Variants in CCDC170 observed in about 807,000 individuals in gnomAD.
CCDC170 encodes the protein coiled-coil domain containing 170.
Under a neutral mutation model 72.6 loss-of-function variants are expected in CCDC170, and 69 were observed. The observed-to-expected ratio is 0.95, with a 90% CI of 0.78 to 1.16. The LOEUF (loss-of-function observed/expected upper bound fraction) is 1.16, where lower values mean the gene tolerates loss of function less well. CCDC170 is among the 50% of genes most tolerant of loss of function. The pLI, the probability that CCDC170 is intolerant of heterozygous loss-of-function variation, is 0.00. For synonymous variants in CCDC170, 300 were observed against 303.9 expected (o/e 0.99, Z 0.13); for missense variants, 852 against 832.5 (o/e 1.02, Z -0.29).
chr6:151,596,622 G>C, intron 9 of CCDC170, 45 bp downstream of exon 9: 1 of 1,603,358 alleles, frequency 6.2e-7, no homozygotes, highest in Non-Finnish European at 8.5e-7. Context: ...GCTGGTTACT[G>C]TCAATGTTTT....
intron 8 of CCDC170, among the ~76,000 whole-genome samples, chr6:151,595,912 T>C (rs1179617226): frequency 6.6e-6 from 1 of 152,200 alleles, no homozygotes; most frequent in African/African-American, 2.4e-5. Flanking sequence ...TTTACAGTAC[T>C]CACTTGCATT....
chr6:151,598,863 A>C (rs530733553), intron 9 of CCDC170, among the ~76,000 whole-genome samples: 2 of 152,306 alleles, frequency 1.3e-5, no homozygotes, highest in South Asian at 4.1e-4. Flanking sequence ...CCTAAAGTTA[A>C]TGTGGCTGGG....
Position 151,586,064 on chromosome 6 carries a change from A to G in CCDC170, c.1268A>G (p.Asp423Gly). 6.2e-7 allele frequency: 1 copy of G among 1,614,174 alleles called. No homozygotes were observed. Among genetic ancestry groups the G allele is most frequent in the Non-Finnish European group, 8.5e-7 (1 of 1,180,006 alleles). The change falls in exon 7 of 11, where the codon GAC (aspartate) becomes GGC (glycine). Residue 423 changes from aspartate (D) to glycine (G), a missense_variant. Coordinates refer to ENST00000239374, the MANE Select transcript of CCDC170 (RefSeq NM_025059.4). Reference sequence around the variant, plus strand: ...CTGGTTTCTGGAGGTGTTTTGCGAGACAACTTGAATTTTGAGAAACAAAAA... The same window carrying G: ...CTGGTTTCTGGAGGTGTTTTGCGAGGCAACTTGAATTTTGAGAAACAAAAA... Reference protein sequence around the residue: ...AELVSGGVLRDNLNFEKQKYL... With the variant: ...AELVSGGVLRGNLNFEKQKYL...
chr6:151,613,716 C>T (rs1287515162), intron 9 of CCDC170, among the ~76,000 whole-genome samples: 1 of 152,090 alleles, frequency 6.6e-6, no homozygotes, highest in Non-Finnish European at 1.5e-5. Context: ...TATGGCTATA[C>T]CACATTTTGT....
chr6:151,519,376 G>T (rs1003129247), intron 1 of CCDC170, among the ~76,000 whole-genome samples: 2 of 152,186 alleles, frequency 1.3e-5, no homozygotes, highest in African/African-American at 4.8e-5. Flanking sequence ...CAGGCAGTCA[G>T]ACCCTATGGT....
At chr6:151,542,015 G>T (rs968791884) in intron 3 of CCDC170, among the ~76,000 whole-genome samples, 2 of 150,928 alleles carry the variant, frequency 1.3e-5, no homozygotes, top group African/African-American at 4.9e-5. Context: ...GAGTAGCTGG[G>T]ATTACAGGCA....
intron 1 of CCDC170, among the ~76,000 whole-genome samples, chr6:151,510,710 G>T: frequency 6.6e-6 from 1 of 151,574 alleles, no homozygotes. Flanking sequence ...CAAATATTAA[G>T]GTTTATAATT....
At chr6:151,524,886 A>T (rs1782376796) in intron 1 of CCDC170, among the ~76,000 whole-genome samples, 1 of 149,880 alleles carries the variant, frequency 6.7e-6, no homozygotes, top group Non-Finnish European at 1.5e-5. Context: ...TGTTTTTGAG[A>T]TCTATTTATC....
rs1781877886 is a variant in CCDC170 at position 151,494,288 on chromosome 6, G to C, written c.57+103G>C. The C allele has an allele frequency of 4.9e-6, 6 of 1,236,714 alleles. No homozygotes were observed. The South Asian group carries it at 1.0e-4, about 21-fold the overall frequency. 76.6% of individuals were successfully genotyped at this position (1,236,714 alleles called of 1,614,324 possible). A position where few individuals can be genotyped will look rare whatever the true frequency, so the allele number is the denominator to read the frequency against. ...TTTGCACCCTTTTCCTCCCGGAGGC[G>C]TGGGCAGAATCAGAGCAGCTCTGTG... is the stretch of plus-strand genomic sequence containing the variant. On this transcript the variant is annotated intron_variant, in intron 1 of 10. Transcript: ENST00000239374.
In CCDC170 at chr6:151,494,197, G is replaced by A; in HGVS notation, c.57+12G>A. 6.7e-7 allele frequency: 1 copy of A among 1,501,460 alleles called. No homozygotes were observed. Among genetic ancestry groups the A allele is most frequent in the Non-Finnish European group, 8.9e-7 (1 of 1,128,328 alleles). 93.0% of individuals were successfully genotyped at this position (1,501,460 alleles called of 1,614,324 possible). A position where few individuals can be genotyped will look rare whatever the true frequency, so the allele number is the denominator to read the frequency against. On this transcript the variant is annotated intron_variant, in intron 1 of 10. Coordinates refer to ENST00000239374, the MANE Select transcript of CCDC170 (RefSeq NM_025059.4). Reference sequence around the variant, plus strand: ...CGCCAGCGCCCGAGGTACGGTCCCAGCCGCCGGCCGCGCGCGGGGGTGGCC... The same window carrying A: ...CGCCAGCGCCCGAGGTACGGTCCCAACCGCCGGCCGCGCGCGGGGGTGGCC...
intron 9 of CCDC170, among the ~76,000 whole-genome samples, chr6:151,600,647 C>T (rs1464424670): frequency 2.0e-5 from 3 of 152,050 alleles, no homozygotes; most frequent in African/African-American, 7.2e-5. Context: ...AACCACTACA[C>T]TTATTAAATT....
intron 1 of CCDC170, among the ~76,000 whole-genome samples, chr6:151,509,691 T>C (rs1782120657): frequency 6.6e-6 from 1 of 152,236 alleles, no homozygotes. Flanking sequence ...ATCAATTATT[T>C]GAGCTTAACA....
chr6:151,530,904 G>A (rs17838427), intron 1 of CCDC170, among the ~76,000 whole-genome samples: 15,589 of 151,974 alleles, frequency 0.1, 801 homozygotes, highest in Non-Finnish European at 0.11. Flanking sequence ...TTTTCTCTTA[G>A]GTCATTGGTT....
intron 8 of CCDC170, among the ~76,000 whole-genome samples, chr6:151,593,744 G>A (rs973240519): frequency 2.6e-5 from 4 of 152,054 alleles, no homozygotes; most frequent in African/African-American, 9.7e-5. Context: ...AGAAAGGAGT[G>A]AGGAATAGGG....
At chr6:151,595,351 T>C (rs1295044006) in intron 8 of CCDC170, among the ~76,000 whole-genome samples, 1 of 152,148 alleles carries the variant, frequency 6.6e-6, no homozygotes, top group Non-Finnish European at 1.5e-5. Flanking sequence ...TGATAAATGA[T>C]GTTTGAGGAG....
At chr6:151,614,228 A>G (rs1010694631) in intron 9 of CCDC170, among the ~76,000 whole-genome samples, 1 of 152,170 alleles carries the variant, frequency 6.6e-6, no homozygotes, top group African/African-American at 2.4e-5. Flanking sequence ...GAATTTTTCT[A>G]TCATCTCAGA....
rs1777026881 is a variant in CCDC170 at position 151,619,555 on chromosome 6, C to T, written c.*1408C>T. On this transcript the variant is annotated 3_prime_UTR_variant, in exon 11 of 11. Coordinates refer to ENST00000239374, the MANE Select transcript of CCDC170 (RefSeq NM_025059.4). ...GAAAGGGAAAGAAATAGATCTGGTG[C>T]ACCCGAACATTAGGAGAAAATGAAA... 1 of 152,082 alleles carries T rather than the reference C, an allele frequency of 6.6e-6. No individual in the cohort carries two copies. The highest frequency in any genetic ancestry group is 1.5e-5 in the Non-Finnish European group (1 of 68,020). The allele number at this position is 152,082 out of a possible 1,614,324, so 9.4% of individuals were successfully genotyped here.
intron 1 of CCDC170, among the ~76,000 whole-genome samples, chr6:151,501,941 C>T (rs993047546): frequency 6.6e-6 from 1 of 152,142 alleles, no homozygotes; most frequent in South Asian, 2.1e-4. Context: ...CTTTGTTTTG[C>T]TTCCAACTTT....
intron 5 of CCDC170, among the ~76,000 whole-genome samples, chr6:151,549,666 ATCCTCCCAC>A (rs983559901): frequency 1.4e-4 from 21 of 152,194 alleles, no homozygotes; most frequent in Admixed American, 3.3e-4. Context: ...GCCTCAAGTG[ATCCTCCCAC>A]TTGGGACTTC....
Sources: allele counts gnomAD v4.1 joint callset (sites outside exome capture counted in the v4.1 genomes callset), GRCh38; gene constraint gnomAD v4.1.1; transcripts MANE v1.5; gene names NCBI Gene and HGNC (gene_info 2026-07-23, HGNC 2026-07-21).